The following KDM6A variants were observed in gnomAD, a reference collection of about 807,000 sequenced individuals.
KDM6A encodes lysine-specific demethylase 6A.
Under a neutral mutation model 117.6 loss-of-function variants are expected in KDM6A, and 11 were observed. The ratio of observed to expected loss-of-function variants is 0.09; its 90% CI spans 0.06 to 0.15. The LOEUF is 0.15. Ranked by LOEUF, KDM6A falls within the 10% of genes least tolerant of loss-of-function variation. The pLI is 1.00. For missense variants in KDM6A, 799 were observed against 1,077.3 expected (o/e 0.74, Z 3.62); for synonymous variants, 384 against 396.1 (o/e 0.97, Z 0.36).
intron 8 of KDM6A, among the ~76,000 whole-genome samples, chrX:45,045,431 C>A (rs768882366): frequency 1.8e-5 from 2 of 108,520 alleles, no homozygotes; most frequent in East Asian, 5.8e-4. Flanking sequence ...ACTAAAAATA[C>A]AAAAATCAGC....
chrX:44,960,194 C>A (rs993859268), intron 2 of KDM6A, among the ~76,000 whole-genome samples: 1 of 111,544 alleles, frequency 9.0e-6, no homozygotes, highest in Non-Finnish European at 1.9e-5. Flanking sequence ...TAGAAACTAA[C>A]CAAGTTTCTT....
chrX:45,082,299 C>T, intron 21 of KDM6A: 1 of 324,020 alleles, frequency 3.1e-6, no homozygotes, highest in East Asian at 5.9e-5. Context: ...TGGGCGTGGT[C>T]ATGCGCACCT....
intron 2 of KDM6A, among the ~76,000 whole-genome samples, chrX:44,890,680 G>A (rs1395824350): frequency 1.3e-5 from 1 of 75,443 alleles, no homozygotes; most frequent in Non-Finnish European, 2.4e-5. Context: ...GCGAGATAGA[G>A]TTTCGCTCTT....
chrX:45,097,511 T>A (rs1013786700), intron 27 of KDM6A, among the ~76,000 whole-genome samples: 3 of 111,333 alleles, frequency 2.7e-5, no homozygotes, highest in African/African-American at 9.8e-5. Context: ...GCTAAGTGAA[T>A]ACCGTAAGTA....
chrX:45,006,004 C>T (rs1450578203), intron 4 of KDM6A, among the ~76,000 whole-genome samples: 7 of 76,727 alleles, frequency 9.1e-5, no homozygotes, highest in African/African-American at 3.3e-4. Context: ...CACCCACCAC[C>T]CACCACCCAC....
rs779979560 is a variant in KDM6A, at chrX:44,992,206, C to CT, written c.384+17526dup. Among the ~76,000 whole-genome samples, 158 of 32,032 alleles carry CT rather than the reference C, an allele frequency of 4.9e-3. 17 individuals are homozygous for CT. Among genetic ancestry groups the CT allele is most frequent in the Non-Finnish European group, 7.8e-3 (133 of 17,104 alleles). The allele number at this position is 32,032 out of a possible 115,157, so 27.8% of individuals were successfully genotyped here. A position where few individuals can be genotyped will look rare whatever the true frequency, so the allele number is the denominator to read the frequency against. ...CGAAATTTAGCAATACTGTCTTCTT[C>CT]TTTTTTTTTTTTTTTTTTTTTTTTT... On this transcript the variant is annotated intron_variant, in intron 4 of 29. Transcript: ENST00000611820.
Position 45,078,465 on chromosome X carries a change from T to C in KDM6A, c.3054T>C (p.Pro1018=), listed in dbSNP as rs763860526. 2 of 1,210,169 alleles carry C rather than the reference T, an allele frequency of 1.7e-6. No individual in the cohort carries two copies. Among genetic ancestry groups the C allele is most frequent in the East Asian group, 5.9e-5 (2 of 33,752 alleles). The change falls in exon 20 of 30, where the codon CCT becomes CCC. Residue 1018 remains proline, a synonymous_variant. Transcript: ENST00000611820. ...LHQFCTNPNN[P]VTVIRGLAGA... The stretch of plus-strand genomic sequence containing the variant: ...AATTTTGTACAAATCCGAACAACCC[T>C]GTTACAGTAATACGTGGCCTTGCTG...
At chrX:44,885,909 C>T (rs1242105546) in intron 2 of KDM6A, among the ~76,000 whole-genome samples, 6 of 110,551 alleles carry the variant, frequency 5.4e-5, no homozygotes, top group African/African-American at 1.6e-4. Flanking sequence ...TTACTTAGTT[C>T]TTTTTTTCAG....
At chrX:44,924,944 C>G (rs778777815) in intron 2 of KDM6A, among the ~76,000 whole-genome samples, 1 of 111,434 alleles carries the variant, frequency 9.0e-6, no homozygotes, top group Non-Finnish European at 1.9e-5. Flanking sequence ...CTGCCTTGGC[C>G]TCCCAAAGTG....
chrX:44,877,038 T>C (rs1425437529), intron 2 of KDM6A, among the ~76,000 whole-genome samples: 1 of 96,565 alleles, frequency 1.0e-5, no homozygotes, highest in Non-Finnish European at 2.0e-5. Flanking sequence ...TACATGTATA[T>C]ACATACGTAT....
chrX:45,058,643 A>C (rs191576564), intron 10 of KDM6A, among the ~76,000 whole-genome samples: 67 of 110,703 alleles, frequency 6.1e-4, no homozygotes, highest in Non-Finnish European at 4.0e-4. Context: ...CCATATAGGA[A>C]ACTAGAGGTC....
chrX:44,880,490 C>T (rs1031995453), intron 2 of KDM6A, among the ~76,000 whole-genome samples: 1 of 105,128 alleles, frequency 9.5e-6, no homozygotes, highest in Admixed American at 1.0e-4. Flanking sequence ...CATATATTAC[C>T]TTAAAAATAA....
intron 4 of KDM6A, among the ~76,000 whole-genome samples, chrX:44,988,483 G>A (rs1047372183): frequency 2.7e-5 from 3 of 111,371 alleles, no homozygotes; most frequent in African/African-American, 6.5e-5. Context: ...GAGGTGAGGC[G>A]CTCTGATTTT....
At chrX:45,003,958 G>T (rs2041299825) in intron 4 of KDM6A, among the ~76,000 whole-genome samples, 1 of 91,308 alleles carries the variant, frequency 1.1e-5, no homozygotes, top group African/African-American at 4.3e-5. Context: ...GTTTTTCCCT[G>T]CCTCTGCCAG....
intron 9 of KDM6A, among the ~76,000 whole-genome samples, chrX:45,052,875 TAGAGACAAG>T (rs1483668666): frequency 1.8e-5 from 2 of 110,644 alleles, no homozygotes; most frequent in African/African-American, 6.6e-5. Flanking sequence ...ATTTCTTTTG[TAGAGACAAG>T]GTCTCTCTCT....
intron 4 of KDM6A, among the ~76,000 whole-genome samples, chrX:44,996,964 G>T (rs2040889342): frequency 9.0e-6 from 1 of 111,602 alleles, no homozygotes; most frequent in Non-Finnish European, 1.9e-5. Context: ...ATGTGATGGG[G>T]GTGTGGCTCG....
chrX:44,932,202 C>G (rs2036674540), intron 2 of KDM6A, among the ~76,000 whole-genome samples: 1 of 101,434 alleles, frequency 9.9e-6, no homozygotes, highest in South Asian at 4.9e-4. Context: ...TTAAGCAATC[C>G]TCCTGCCTCA....
chrX:45,076,632 C>CTTTT, intron 18 of KDM6A, 65 bp from the exon 19 acceptor site: 1 of 660,206 alleles, frequency 1.5e-6, no homozygotes, highest in Non-Finnish European at 2.2e-6. Flanking sequence ...ATTCAGGATT[C>CTTTT]TTTTTTTTTT....
chrX:45,077,196 C>A (rs1030243024), intron 19 of KDM6A, among the ~76,000 whole-genome samples: 1 of 109,173 alleles, frequency 9.2e-6, no homozygotes, highest in Non-Finnish European at 1.9e-5. Flanking sequence ...TCTACCCCCC[C>A]AAAAAAGATA....
Sources: gnomAD v4.1 joint callset for allele counts (sites outside exome capture counted in the v4.1 genomes callset) on GRCh38, gnomAD v4.1.1 for gene constraint, MANE v1.5 for transcripts, NCBI Gene and HGNC (gene_info 2026-07-23, HGNC 2026-07-21) for gene names.